The following LTBP4 variants were observed in gnomAD, a reference collection of about 807,000 sequenced individuals.
LTBP4 encodes the protein latent-transforming growth factor beta-binding protein 4.
Under a neutral mutation model 180.2 loss-of-function variants are expected in LTBP4, and 93 were observed. The ratio of observed to expected loss-of-function variants is 0.52; its 90% confidence interval spans 0.44 to 0.61. LTBP4 has a LOEUF of 0.61. Among genes scored for constraint, LTBP4 ranks in the 20% least tolerant of loss-of-function variants. The pLI is 0.00. For synonymous variants in LTBP4, 947 were observed against 934.5 expected, an observed-to-expected ratio of 1.01 and a Z score of -0.24; for missense variants, 2,116 against 2,256.5, an observed-to-expected ratio of 0.94 and a Z score of 1.26.
Position 40,605,145 on chromosome 19 carries a change from C to G in LTBP4, c.361C>G (p.Arg121Gly). 1 of 1,612,422 alleles carries G rather than the reference C, an allele frequency of 6.2e-7. No individual in the cohort carries two copies. Among genetic ancestry groups the G allele is most frequent in the Non-Finnish European group, 8.5e-7 (1 of 1,179,390 alleles). The change falls in exon 2 of 30, where the codon CGG (arginine) becomes GGG (glycine). Residue 121 changes from arginine to glycine, a missense_variant. Around this residue, in one of 5 missense-constraint regions of LTBP4, gnomAD observed 469 missense variants for 532.5 expected, o/e 0.88. Coordinates refer to ENST00000396819, the MANE Select transcript of LTBP4 (RefSeq NM_001042545.2). The surrounding 1 kb of genome is among the most constrained non-coding windows in gnomAD (Gnocchi z 5.5). The stretch of plus-strand genomic sequence containing the variant: ...CTGCCAGTTGCACTCCTCGGGCGCC[C>G]GGCCCCCGGCCCCGGCTGTACCAGG... ...KFCQLHSSGA[R>G]PPAPAVPGLT...
At chr19:40,599,232 C>G (rs530487750), upstream of LTBP4, 1 of 1,613,132 alleles carries the variant, frequency 6.2e-7, no homozygotes, top group Admixed American at 1.7e-5. Context: ...GGCCAGACGT[C>G]TAGGAGGAGC....
intron 19 of LTBP4, 135 bp downstream of exon 19, chr19:40,614,581 T>G: frequency 2.5e-6 from 3 of 1,187,514 alleles, no homozygotes; most frequent in Non-Finnish European, 2.3e-6. Context: ...CGTATCTCTG[T>G]AGTGGAAATA....
rs1568414521 is a variant in LTBP4, at chr19:40,625,295, TATATATATATATATATATA to T, written c.3833-561_3833-543del. On this transcript the variant is annotated intron_variant, in intron 26 of 29. Coordinates refer to ENST00000396819, the MANE Select transcript of LTBP4 (RefSeq NM_001042545.2). Reference sequence around the variant, plus strand: ...ATATATATATATATATATATATATATATATATATATATATATATATATTTTTTTTTTTAAAGATGGGTTT... The same window carrying T: ...ATATATATATATATATATATATATATTATTTTTTTTTTTAAAGATGGGTTT... Among the ~76,000 whole-genome samples the T allele has an allele frequency of 1.1e-3, 17 of 15,028 alleles. 4 individuals carry two copies. The East Asian group carries it at 0.012, about 11-fold the overall frequency. The allele number at this position is 15,028 out of a possible 152,430, so 9.9% of individuals were successfully genotyped here.
Position 40,613,208 on chromosome 19 carries a change from A to G in LTBP4, c.2431+12A>G, listed in dbSNP as rs1289521109. On this transcript the variant is annotated intron_variant, in intron 16 of 29. Transcript: ENST00000396819. The surrounding 1 kb of genome is among the most constrained non-coding windows in gnomAD (Gnocchi z 5.0). ...CGGGCCCTGCGCAGGTGAGCAGCAT[A>G]GGGACCCGCCAGAGAGTCTGGGAGT... The G allele has an allele frequency of 3.8e-6, 6 of 1,559,836 alleles. No individual in the cohort carries two copies. The highest frequency in any genetic ancestry group is 5.2e-6 in the Non-Finnish European group (6 of 1,151,654).
chr19:40,605,081 T>G lies in LTBP4; in HGVS notation c.297T>G (p.Pro99=). 6.2e-7 allele frequency: 1 copy of G among 1,613,870 alleles called. No homozygotes were observed. Among genetic ancestry groups the G allele is most frequent in the South Asian group, 1.1e-5 (1 of 91,078 alleles). Residue 99 remains proline, a synonymous_variant, in exon 2 of 30, where the codon CCT becomes CCG. Coordinates refer to ENST00000396819, the MANE Select transcript of LTBP4 (RefSeq NM_001042545.2). The surrounding 1 kb of genome is among the most constrained non-coding windows in gnomAD (Gnocchi z 5.5). ...ICHNGGVCVK[P]DRCLCPPDFA... ...ACAATGGCGGTGTGTGCGTGAAGCC[T>G]GACCGCTGCCTCTGTCCCCCGGACT...
At chr19:40,594,084 C>T (rs187113035) in intron 1 of LTBP4, among the ~76,000 whole-genome samples, 2 of 138,668 alleles carry the variant, frequency 1.4e-5, no homozygotes, top group African/African-American at 5.2e-5. Context: ...AGACGTGAGC[C>T]GGCCTTATTC....
chr19:40,610,653 C>T lies in LTBP4; in HGVS notation c.1806C>T (p.Cys602=), dbSNP rs1295063106. The stretch of plus-strand genomic sequence containing the variant: ...AGGCTGCACCGCACGGAGCCAGCTG[C>T]CAGGGTGAGGGCCTGGGAGGGGCAG... ...GYQAAPHGAS[C]QDVDECTQSP... is the part of the protein sequence containing the mutation. Residue 602 remains cysteine (C), a synonymous_variant, in exon 12 of 30, where the codon TGC becomes TGT. Coordinates refer to ENST00000396819, the MANE Select transcript of LTBP4 (RefSeq NM_001042545.2). 1 of 1,582,188 alleles carries T rather than the reference C, an allele frequency of 6.3e-7. No individual in the cohort carries two copies. Among genetic ancestry groups the T allele is most frequent in the Admixed American group, 1.7e-5 (1 of 59,034 alleles).
Position 40,613,718 on chromosome 19 carries a change from C to T in LTBP4, c.2557+189C>T. 8.2e-7 allele frequency: 1 copy of T among 1,216,384 alleles called. No homozygotes were observed. The highest frequency in any genetic ancestry group is 1.5e-5 in the African/African-American group (1 of 66,854). 75.3% of individuals were successfully genotyped at this position (1,216,384 alleles called of 1,614,324 possible). A position where few individuals can be genotyped will look rare whatever the true frequency, so the allele number is the denominator to read the frequency against. On this transcript the variant is annotated intron_variant, in intron 17 of 29. Coordinates refer to ENST00000396819, the MANE Select transcript of LTBP4 (RefSeq NM_001042545.2). This position sits in a 1 kb window ranked among gnomAD's most constrained non-coding sequence, Gnocchi z 5.0. ...GGGCGTGGAGATGAAAGGGCCGAGT[C>T]TGGGTATTTGGACCGTGATTGTAAA...
chr19:40,610,933 A>G, intron 12 of LTBP4: 1 of 720,942 alleles, frequency 1.4e-6, no homozygotes, highest in East Asian at 2.7e-5. Flanking sequence ...AGAGTTATGG[A>G]GGAAAGGGGA....
In LTBP4 at chr19:40,610,617, C is replaced by T; in HGVS notation, c.1770C>T (p.Pro590=). ...CAGGCAGCTTCCTGTGCGTGTGCCCCGCCGGGTACCAGGCTGCACCGCACG... is the reference window on the plus strand; with the variant it reads ...CAGGCAGCTTCCTGTGCGTGTGCCCTGCCGGGTACCAGGCTGCACCGCACG... ...NTPGSFLCVC[P]AGYQAAPHGA... Residue 590 remains proline (P), a synonymous_variant, in exon 12 of 30, where the codon CCC becomes CCT. Coordinates refer to ENST00000396819, the MANE Select transcript of LTBP4 (RefSeq NM_001042545.2). The T allele has an allele frequency of 6.3e-7, 1 of 1,588,708 alleles. No individual in the cohort carries two copies. Among genetic ancestry groups the T allele is most frequent in the Non-Finnish European group, 8.5e-7 (1 of 1,174,706 alleles).
At chr19:40,598,053 G>A (rs749266996), upstream of LTBP4, among the ~76,000 whole-genome samples, 12 of 152,094 alleles carry the variant, frequency 7.9e-5, no homozygotes, top group Non-Finnish European at 1.6e-4. Context: ...AGATCTGGGG[G>A]CTATAGGCGC....
Position 40,629,536 on chromosome 19 carries a change from C to T in LTBP4, c.4660C>T (p.Arg1554Trp), listed in dbSNP as rs763712345. ...THQPHHCAPA[R>W]PRA Reference sequence around the variant, plus strand: ...CCAGCCGCACCACTGTGCGCCCGCACGGCCCCGGGCCTGAGCCCTGGCACC... The same window carrying T: ...CCAGCCGCACCACTGTGCGCCCGCATGGCCCCGGGCCTGAGCCCTGGCACC... Residue 1554 changes from arginine to tryptophan, a missense_variant, in exon 30 of 30, where the codon CGG (arginine) becomes TGG (tryptophan). By Grantham distance (101) the Arg-to-Trp change is moderately radical (BLOSUM62 -3). Coordinates refer to ENST00000396819, the MANE Select transcript of LTBP4 (RefSeq NM_001042545.2). This position sits in a 1 kb window ranked among gnomAD's most constrained non-coding sequence, Gnocchi z 4.5. 1.3e-5 allele frequency: 20 copies of T among 1,543,928 alleles called. No homozygotes were observed. Among genetic ancestry groups the T allele is most frequent in the Admixed American group, 1.8e-5 (1 of 54,846 alleles).
intron 19 of LTBP4, among the ~76,000 whole-genome samples, chr19:40,615,033 T>C (rs972645278): frequency 2.6e-5 from 4 of 152,034 alleles, no homozygotes; most frequent in Non-Finnish European, 5.9e-5. Context: ...ACTTAGGCCC[T>C]CCCTTCCTAT....
Position 40,611,305 on chromosome 19 carries a change from G to T in LTBP4, c.1964G>T (p.Gly655Val). Residue 655 changes from glycine (G) to valine (V), a missense_variant, in exon 13 of 30, where the codon GGG (glycine) becomes GTG (valine). Physicochemically the swap from Gly to Val is moderately radical, Grantham distance 109. This residue lies in a region of LTBP4 where 877 missense variants were observed against 873.6 expected (regional missense o/e 1.00). Coordinates refer to ENST00000396819, the MANE Select transcript of LTBP4 (RefSeq NM_001042545.2). This position sits in a 1 kb window ranked among gnomAD's most constrained non-coding sequence, Gnocchi z 4.4. Reference protein sequence around the residue: ...DECAQEPPPCGPGRCDNTAGS... With the variant: ...DECAQEPPPCVPGRCDNTAGS... ...TGTGCCCAGGAGCCGCCGCCCTGTG[G>T]GCCCGGCCGCTGTGACAACACGGCA... is the stretch of plus-strand genomic sequence containing the variant. 1.2e-6 allele frequency: 2 copies of T among 1,611,904 alleles called. No individual in the cohort carries two copies. Among genetic ancestry groups the T allele is most frequent in the Non-Finnish European group, 1.7e-6 (2 of 1,179,384 alleles).
At position 40,607,474 on chromosome 19, in the gene LTBP4, C is replaced by T; in HGVS notation, c.1101C>T (p.Ser367=). 6.2e-7 allele frequency: 1 copy of T among 1,613,122 alleles called. No individual in the cohort carries two copies. The highest frequency in any genetic ancestry group is 8.5e-7 in the Non-Finnish European group (1 of 1,179,718). ...TCACTAAACAGATCTGCTGCTGCAGCCGCGTAGGCAAGGCCTGGGGCCGGG... is the reference window on the plus strand; with the variant it reads ...TCACTAAACAGATCTGCTGCTGCAGTCGCGTAGGCAAGGCCTGGGGCCGGG... ...RNITKQICCC[S]RVGKAWGRGC... is the part of the protein sequence containing the mutation. Residue 367 remains serine, a synonymous_variant, in exon 7 of 30, where the codon AGC becomes AGT. Transcript: ENST00000396819.
intron 1 of LTBP4, among the ~76,000 whole-genome samples, chr19:40,593,553 AG>A (rs1299693598): frequency 4.0e-5 from 6 of 151,586 alleles, no homozygotes; most frequent in African/African-American, 1.5e-4. Flanking sequence ...CTCACACTCT[AG>A]AAAATTTTTT....
At position 40,605,261 on chromosome 19, in the gene LTBP4, C is replaced by T. The variant is rs1277708611; in HGVS notation, c.442+35C>T. 2.6e-6 allele frequency: 4 copies of T among 1,563,744 alleles called. No homozygotes were observed. The highest frequency in any genetic ancestry group is 3.5e-6 in the Non-Finnish European group (4 of 1,153,552). Reference sequence around the variant, plus strand: ...GGGTGGCCAGAGTCCCCTCCGACCCCTGTCAAGCATTTCACTTTGCCCCTG... The same window carrying T: ...GGGTGGCCAGAGTCCCCTCCGACCCTTGTCAAGCATTTCACTTTGCCCCTG... On this transcript the variant is annotated intron_variant, in intron 2 of 29. Coordinates refer to ENST00000396819, the MANE Select transcript of LTBP4 (RefSeq NM_001042545.2). This position sits in a 1 kb window ranked among gnomAD's most constrained non-coding sequence, Gnocchi z 5.5.
Position 40,612,339 on chromosome 19 carries a change from G to A in LTBP4, c.2299+147G>A, listed in dbSNP as rs1461908403. The A allele has an allele frequency of 7.1e-6, 8 of 1,123,120 alleles. No homozygotes were observed. The East Asian group carries it at 1.8e-4, about 26-fold the overall frequency. 69.6% of individuals were successfully genotyped at this position (1,123,120 alleles called of 1,614,324 possible). ...GCCTGTGACTCCTGACCCTGACCTG[G>A]ACCACAACTCTTGACCCTGAATGTG... On this transcript the variant is annotated intron_variant, in intron 15 of 29. Transcript: ENST00000396819.
intron 29 of LTBP4, 144 bp downstream of exon 29, chr19:40,628,001 T>A: frequency 8.4e-7 from 1 of 1,192,416 alleles, no homozygotes; most frequent in Non-Finnish European, 1.1e-6. Context: ...GAGGAGTAAT[T>A]CTTCCACCTG....
Sources: gnomAD v4.1 joint callset for allele counts (sites outside exome capture counted in the v4.1 genomes callset) on GRCh38, gnomAD v4.1.1 for gene constraint, gnomAD v4.1.1 regional missense constraint, Gnocchi (gnomAD v3.1) non-coding constraint, MANE v1.5 for transcripts, NCBI Gene and HGNC (gene_info 2026-07-23, HGNC 2026-07-21) for gene names.